The following DEPTOR variants were observed in gnomAD, a reference collection of about 807,000 sequenced individuals.
The protein encoded by DEPTOR is DEP domain-containing mTOR-interacting protein.
In DEPTOR, 41 loss-of-function variants were observed where a neutral mutation model predicts 41.6. The ratio of observed to expected loss-of-function variants is 0.98; its 90% CI spans 0.77 to 1.28. DEPTOR has a LOEUF of 1.28. Ranked by LOEUF, DEPTOR falls within the 50% of genes most tolerant of loss-of-function variation. The pLI, the probability that DEPTOR is intolerant of heterozygous loss-of-function variation, is 0.00. For synonymous variants in DEPTOR, 195 were observed against 192.3 expected, an observed-to-expected ratio of 1.01 and a Z score of -0.12; for missense variants, 514 against 527.9, an observed-to-expected ratio of 0.97 and a Z score of 0.26.
At chr8:120,023,253 TG>T (rs1264813377) in intron 8 of DEPTOR, among the ~76,000 whole-genome samples, 1 of 152,160 alleles carries the variant, frequency 6.6e-6, no homozygotes, top group African/African-American at 2.4e-5. Context: ...TTCTTTTTTT[TG>T]TTTTTTGAGA....
chr8:119,948,913 A>C (rs1828316968), intron 3 of DEPTOR, among the ~76,000 whole-genome samples: 1 of 151,922 alleles, frequency 6.6e-6, no homozygotes. Context: ...CCAGCCTCCC[A>C]AATAGCTGGG....
chr8:120,005,140 A>G (rs1812413742), intron 6 of DEPTOR, among the ~76,000 whole-genome samples: 2 of 152,180 alleles, frequency 1.3e-5, no homozygotes, highest in African/African-American at 2.4e-5. Flanking sequence ...TGATTCATGT[A>G]TCCAAATTCA....
rs1270535959 is a variant in DEPTOR at position 119,873,865 on chromosome 8, A to ACTGGCAGTG, written c.29_37dup (p.Ala10_Ser12dup). ...TAAAACCATGGAGGAGGGCGGCAGC[A>ACTGGCAGTG]CTGGCAGTGCTGGCAGTGACAGCAG... On this transcript the variant is annotated inframe_insertion, in exon 1 of 9. Transcript: ENST00000286234. 3.7e-6 allele frequency: 6 copies of ACTGGCAGTG among 1,613,428 alleles called. No homozygotes were observed. The highest frequency in any genetic ancestry group is 3.4e-6 in the Non-Finnish European group (4 of 1,179,794).
chr8:119,956,335 C>T (rs1005365541), intron 3 of DEPTOR, among the ~76,000 whole-genome samples: 5 of 152,170 alleles, frequency 3.3e-5, no homozygotes, highest in African/African-American at 1.2e-4. Context: ...AATAAGGAAG[C>T]GCTAAGGCTG....
chr8:119,929,772 G>A (rs1264069368), intron 2 of DEPTOR, 43 bp from the exon 3 acceptor site: 15 of 1,562,086 alleles, frequency 9.6e-6, no homozygotes, highest in South Asian at 2.4e-5. Flanking sequence ...AAATAAGAGC[G>A]ATTTTTTTTC....
intron 1 of DEPTOR, among the ~76,000 whole-genome samples, chr8:119,893,027 C>T (rs1198127684): frequency 1.3e-5 from 2 of 152,136 alleles, no homozygotes; most frequent in Admixed American, 6.6e-5. Flanking sequence ...AGGTTATCCA[C>T]CTGCCTCGGC....
intron 3 of DEPTOR, among the ~76,000 whole-genome samples, chr8:119,964,298 C>T (rs1217808479): frequency 2.6e-5 from 4 of 151,988 alleles, no homozygotes; most frequent in Non-Finnish European, 4.4e-5. Context: ...GGGCGGATCA[C>T]GAGGTCAGGA....
Position 120,002,983 on chromosome 8 carries a change from C to T in DEPTOR, c.797C>T (p.Pro266Leu), listed in dbSNP as rs1244777028. ...TGTTCTCTGGCCTACACAGTGAGCC[C>T]CAGCAAGGAGATCAAGATCGTGTCT... ...RKSTSFMSVSPSKEIKIVSAV... is the reference protein window; with the variant it reads ...RKSTSFMSVSLSKEIKIVSAV... The change falls in exon 6 of 9, where the codon CCC (proline) becomes CTC (leucine). Residue 266 changes from proline (P) to leucine (L), a missense_variant. Physicochemically the swap from Pro to Leu is moderately conservative, Grantham distance 98. Coordinates refer to ENST00000286234, the MANE Select transcript of DEPTOR (RefSeq NM_022783.4). 6.4e-7 allele frequency: 1 copy of T among 1,565,850 alleles called. No homozygotes were observed. The highest frequency in any genetic ancestry group is 1.2e-5 in the South Asian group (1 of 85,546).
intron 8 of DEPTOR, among the ~76,000 whole-genome samples, chr8:120,033,535 A>T (rs1812927570): frequency 6.6e-6 from 1 of 152,070 alleles, no homozygotes; most frequent in African/African-American, 2.4e-5. Flanking sequence ...CACCCTTCAA[A>T]TGTGTGATAT....
At chr8:119,997,454 T>C (rs1812283939) in intron 4 of DEPTOR, among the ~76,000 whole-genome samples, 2 of 152,224 alleles carry the variant, frequency 1.3e-5, no homozygotes, top group South Asian at 4.1e-4. Flanking sequence ...CAGGCTTGTC[T>C]TGAACTCCTG....
chr8:119,955,969 A>G (rs1029402712), intron 3 of DEPTOR, among the ~76,000 whole-genome samples: 1 of 152,132 alleles, frequency 6.6e-6, no homozygotes, highest in Admixed American at 6.6e-5. Flanking sequence ...CACCAGGTCC[A>G]GACTTCCTTA....
At chr8:119,975,152 T>C (rs572095775) in intron 4 of DEPTOR, among the ~76,000 whole-genome samples, 5 of 151,994 alleles carry the variant, frequency 3.3e-5, no homozygotes, top group Admixed American at 3.3e-4. Flanking sequence ...AAAAAAAAAT[T>C]TTTTTAAAAA....
At chr8:119,967,463 G>A (rs887115205) in intron 4 of DEPTOR, among the ~76,000 whole-genome samples, 11 of 151,856 alleles carry the variant, frequency 7.2e-5, no homozygotes, top group Admixed American at 5.9e-4. Context: ...GAAAGGCAGA[G>A]GGAAAGTTAG....
chr8:119,900,458 C>T (rs1340222230), intron 1 of DEPTOR, among the ~76,000 whole-genome samples: 4 of 116,524 alleles, frequency 3.4e-5, no homozygotes, highest in African/African-American at 1.3e-4. Flanking sequence ...ATGATCATAG[C>T]TCACTGCAAC....
At chr8:119,990,960 C>T (rs1056798879) in intron 4 of DEPTOR, among the ~76,000 whole-genome samples, 3 of 152,122 alleles carry the variant, frequency 2.0e-5, no homozygotes, top group Admixed American at 6.5e-5. Flanking sequence ...AATAGGGCTC[C>T]TTCAACTATT....
At chr8:120,042,302 G>A (rs1563601154) in intron 8 of DEPTOR, among the ~76,000 whole-genome samples, 2 of 151,988 alleles carry the variant, frequency 1.3e-5, no homozygotes, top group Non-Finnish European at 2.9e-5. Flanking sequence ...TGCTTCCTGT[G>A]GTTACTCATA....
At chr8:119,883,620 G>T (rs1827328052) in intron 1 of DEPTOR, among the ~76,000 whole-genome samples, 1 of 152,122 alleles carries the variant, frequency 6.6e-6, no homozygotes, top group Non-Finnish European at 1.5e-5. Flanking sequence ...GAGGAGGTAG[G>T]TAGCAGCTGA....
chr8:119,911,414 G>A (rs1036402060), intron 1 of DEPTOR, among the ~76,000 whole-genome samples: 3 of 148,600 alleles, frequency 2.0e-5, no homozygotes, highest in African/African-American at 7.5e-5. Flanking sequence ...CGTCTCCCGG[G>A]TTCAAGCGAT....
chr8:120,020,676 G>C (rs539610106), intron 8 of DEPTOR, among the ~76,000 whole-genome samples: 1 of 152,338 alleles, frequency 6.6e-6, no homozygotes, highest in East Asian at 1.9e-4. Flanking sequence ...TTAAGTGTCA[G>C]ACATGGGGGG....
Sources: gnomAD v4.1 joint callset for allele counts (sites outside exome capture counted in the v4.1 genomes callset) on GRCh38, gnomAD v4.1.1 for gene constraint, MANE v1.5 for transcripts, NCBI Gene and HGNC (gene_info 2026-07-23, HGNC 2026-07-21) for gene names.